Variants in PDE1A observed in about 807,000 individuals in gnomAD.
PDE1A encodes the protein dual specificity calcium/calmodulin-dependent 3',5'-cyclic nucleotide phosphodiesterase 1A.
Under a neutral mutation model 61.7 loss-of-function variants are expected in PDE1A, and 35 were observed. The ratio of observed to expected loss-of-function variants is 0.57; its 90% CI spans 0.43 to 0.75. The LOEUF (loss-of-function observed/expected upper bound fraction) is 0.75. PDE1A is among the 30% of genes least tolerant of loss of function. The pLI, the probability that PDE1A is intolerant of heterozygous loss-of-function variation, is 0.00. For synonymous variants in PDE1A, 232 were observed against 213.2 expected, an observed-to-expected ratio of 1.09 and a Z score of -0.77; for missense variants, 597 against 630.6, an observed-to-expected ratio of 0.95 and a Z score of 0.57.
chr2:182,277,738 T>G (rs953704031), intron 1 of PDE1A, among the ~76,000 whole-genome samples: 1 of 152,056 alleles, frequency 6.6e-6, no homozygotes, highest in Non-Finnish European at 1.5e-5. Flanking sequence ...TTAAGTGAAG[T>G]TTTTCTCATT....
chr2:182,489,762 T>C (rs1688261413), intron 2 of PDE1A, among the ~76,000 whole-genome samples: 1 of 152,158 alleles, frequency 6.6e-6, no homozygotes, highest in Non-Finnish European at 1.5e-5. Context: ...AAATTGAATT[T>C]GGTTTTGGAA....
chr2:182,544,033 T>C, the PDE1A span, among the ~76,000 whole-genome samples: 3 of 152,204 alleles, frequency 2.0e-5, no homozygotes, highest in South Asian at 6.2e-4. Flanking sequence ...ACTTAAGTAG[T>C]GGTCTCTGTA....
chr2:182,511,685 C>T lies in PDE1A; in HGVS notation c.101+10591G>A, dbSNP rs575367075. ...TGACTCAAATCTAGACAGAACAGGG[C>T]TATTTTCCCCATGAGACAGAGCCAA... On this transcript the variant is annotated intron_variant, in intron 2 of 14. Transcript: ENST00000410103. 1.3e-3 allele frequency among the ~76,000 whole-genome samples: 201 copies of T among 152,320 alleles called. 1 individual carries two copies. The highest frequency in any genetic ancestry group is 4.5e-3 in the African/African-American group (186 of 41,578).
At chr2:182,466,420 C>A (rs1354290391) in intron 2 of PDE1A, among the ~76,000 whole-genome samples, 1 of 151,972 alleles carries the variant, frequency 6.6e-6, no homozygotes, top group Non-Finnish European at 1.5e-5. Context: ...CTTCTGCCAC[C>A]TCTCTGGGCT....
At chr2:182,645,163 T>C in the PDE1A span, among the ~76,000 whole-genome samples, 2 of 151,952 alleles carry the variant, frequency 1.3e-5, no homozygotes, top group Non-Finnish European at 2.9e-5. Flanking sequence ...TTTTTTGTAT[T>C]TTTTAGTAGA....
intron 1 of PDE1A, among the ~76,000 whole-genome samples, chr2:182,385,890 C>T (rs917691291): frequency 1.6e-4 from 24 of 151,410 alleles, no homozygotes; most frequent in East Asian, 5.9e-4. Flanking sequence ...TCTCTCTCCA[C>T]GGTCTCCCTC....
At chr2:182,301,074 T>C (rs1402900720) in intron 1 of PDE1A, among the ~76,000 whole-genome samples, 8 of 152,196 alleles carry the variant, frequency 5.3e-5, no homozygotes, top group African/African-American at 1.9e-4. Context: ...AGCAATATTA[T>C]CCAAGGACTT....
At chr2:182,352,066 G>A (rs1698912947) in intron 1 of PDE1A, among the ~76,000 whole-genome samples, 1 of 152,126 alleles carries the variant, frequency 6.6e-6, no homozygotes, top group South Asian at 2.1e-4. Flanking sequence ...TCCTACATGT[G>A]CTGCCGTGTG....
chr2:182,512,724 T>C (rs1689883129), intron 2 of PDE1A, among the ~76,000 whole-genome samples: 1 of 152,100 alleles, frequency 6.6e-6, no homozygotes, highest in African/African-American at 2.4e-5. Context: ...ATTCAAGAGC[T>C]GAGAGACAAA....
chr2:182,557,222 G>C, the PDE1A span, among the ~76,000 whole-genome samples: 1 of 152,068 alleles, frequency 6.6e-6, no homozygotes, highest in African/African-American at 2.4e-5. Flanking sequence ...CTCCAGCCTG[G>C]GTGACAGAGT....
At chr2:182,526,274 T>G (rs1690773189), upstream of PDE1A, among the ~76,000 whole-genome samples, 1 of 152,166 alleles carries the variant, frequency 6.6e-6, no homozygotes, top group South Asian at 2.1e-4. Context: ...AATATTATTT[T>G]GAATGCATAA....
the PDE1A span, among the ~76,000 whole-genome samples, chr2:182,683,853 C>G: frequency 2.0e-5 from 3 of 151,974 alleles, no homozygotes; most frequent in Admixed American, 6.6e-5. Flanking sequence ...GGAGCGGGGG[C>G]TCACGTCTGT....
chr2:182,703,235 T>A, the PDE1A span, among the ~76,000 whole-genome samples: 1 of 152,222 alleles, frequency 6.6e-6, no homozygotes, highest in African/African-American at 2.4e-5. Flanking sequence ...CTAGTGGCAA[T>A]TTATTTTGAA....
chr2:182,315,240 T>A (rs1476379854), intron 1 of PDE1A, among the ~76,000 whole-genome samples: 1 of 152,224 alleles, frequency 6.6e-6, no homozygotes, highest in Non-Finnish European at 1.5e-5. Flanking sequence ...CCAATCATTT[T>A]CATTAATAAG....
intron 13 of PDE1A, among the ~76,000 whole-genome samples, chr2:182,149,795 G>T (rs1690683794): frequency 6.6e-6 from 1 of 150,520 alleles, no homozygotes; most frequent in Non-Finnish European, 1.5e-5. Flanking sequence ...ACCATATAAA[G>T]GCTTTGAGAA....
At chr2:182,683,214 C>T in the PDE1A span, among the ~76,000 whole-genome samples, 1 of 151,528 alleles carries the variant, frequency 6.6e-6, no homozygotes. Flanking sequence ...TGCCTCACCT[C>T]CTGAGTAGCT....
upstream of PDE1A, among the ~76,000 whole-genome samples, chr2:182,428,006 C>A (rs952428337): frequency 6.6e-6 from 1 of 152,138 alleles, no homozygotes; most frequent in Non-Finnish European, 1.5e-5. Flanking sequence ...TCTCCAAATA[C>A]TTCCAGGGAG....
intron 2 of PDE1A, among the ~76,000 whole-genome samples, chr2:182,259,649 C>T (rs1375915814): frequency 1.3e-5 from 2 of 152,172 alleles, no homozygotes; most frequent in Non-Finnish European, 2.9e-5. Flanking sequence ...TTTGAACAAC[C>T]TACTCTTTCT....
chr2:182,214,561 T>G (rs1687986378), intron 7 of PDE1A, among the ~76,000 whole-genome samples: 1 of 151,376 alleles, frequency 6.6e-6, no homozygotes, highest in Non-Finnish European at 1.5e-5. Flanking sequence ...AATAAAAGGA[T>G]GGAGGAAGAT....
Sources: gnomAD v4.1 joint callset for allele counts (sites outside exome capture counted in the v4.1 genomes callset) on GRCh38, gnomAD v4.1.1 for gene constraint, MANE v1.5 for transcripts, NCBI Gene and HGNC (gene_info 2026-07-23, HGNC 2026-07-21) for gene names.